The following SLC7A8 variants were observed in gnomAD, a reference collection of about 807,000 sequenced individuals.
SLC7A8 encodes the protein solute carrier family 7 member 8.
Under a neutral mutation model 51.2 loss-of-function variants are expected in SLC7A8, and 30 were observed. The ratio of observed to expected loss-of-function variants is 0.59; its 90% confidence interval spans 0.44 to 0.80. SLC7A8 has a LOEUF of 0.80. Ranked by LOEUF, SLC7A8 falls within the 30% of genes least tolerant of loss-of-function variation. The pLI, the probability that SLC7A8 is intolerant of heterozygous loss-of-function variation, is 0.00. For synonymous variants in SLC7A8, 257 were observed against 275.8 expected, an observed-to-expected ratio of 0.93 and a Z score of 0.67; for missense variants, 612 against 674.4, an observed-to-expected ratio of 0.91 and a Z score of 1.03.
chr14:23,173,839 C>T (rs1396408819), intron 1 of SLC7A8, among the ~76,000 whole-genome samples: 1 of 151,682 alleles, frequency 6.6e-6, no homozygotes, highest in Non-Finnish European at 1.5e-5. Context: ...CAGGGTCCCA[C>T]TGTGTTGCCC....
chr14:23,177,726 G>C (rs74036939), intron 1 of SLC7A8, among the ~76,000 whole-genome samples: 2,443 of 152,242 alleles, frequency 0.016, 70 homozygotes, highest in African/African-American at 0.055. Context: ...TGCGAGCATG[G>C]TCTGTGCTGG....
At chr14:23,137,047 G>A (rs1187458033) in intron 7 of SLC7A8, among the ~76,000 whole-genome samples, 1 of 152,244 alleles carries the variant, frequency 6.6e-6, no homozygotes. Flanking sequence ...CATCTTTGGA[G>A]CAGGACTGTA....
In SLC7A8 at chr14:23,178,654, C is replaced by T. The variant is rs149093886; in HGVS notation, c.151+4110G>A. On this transcript the variant is annotated intron_variant, in intron 1 of 10. Coordinates refer to ENST00000316902, the MANE Select transcript of SLC7A8 (RefSeq NM_012244.4). ...GTTTTGTTGGGCACGGTGGCCCACA[C>T]GTGTAACCCCAACACTTCGGGAGGC... Among the ~76,000 whole-genome samples, 124 of 151,520 alleles carry T rather than the reference C, an allele frequency of 8.2e-4. 5 individuals carry two copies. The East Asian group carries it at 0.019, about 24-fold the overall frequency.
At chr14:23,160,848 A>C (rs932667255) in intron 3 of SLC7A8, among the ~76,000 whole-genome samples, 4 of 152,272 alleles carry the variant, frequency 2.6e-5, no homozygotes, top group Middle Eastern at 3.4e-3. Context: ...AAGTTCTAAC[A>C]CTTCCCAGTC....
At chr14:23,141,317 A>G (rs1339118238) in intron 4 of SLC7A8, among the ~76,000 whole-genome samples, 1 of 152,218 alleles carries the variant, frequency 6.6e-6, no homozygotes, top group South Asian at 2.1e-4. Context: ...CAAACAAACA[A>G]AAAAAGCAAG....
At chr14:23,138,230 G>A in intron 6 of SLC7A8, 1 of 572,206 alleles carries the variant, frequency 1.7e-6, no homozygotes, top group East Asian at 2.9e-5. Context: ...ACTGAAGGAG[G>A]TAGTACACAC....
intron 10 of SLC7A8, 26 bp from the exon 11 acceptor site, chr14:23,127,369 C>T (rs1392014302): frequency 1.2e-6 from 2 of 1,608,420 alleles, no homozygotes; most frequent in African/African-American, 2.7e-5. Context: ...ACACAGAAAC[C>T]AGGCCAATGC....
At chr14:23,139,174 A>G (rs1259407718) in intron 6 of SLC7A8, among the ~76,000 whole-genome samples, 1 of 152,106 alleles carries the variant, frequency 6.6e-6, no homozygotes, top group Admixed American at 6.5e-5. Flanking sequence ...ATAGCTTCTC[A>G]GGCCACGCGG....
Position 23,165,301 on chromosome 14 carries a change from C to T in SLC7A8, c.492G>A (p.Leu164=), listed in dbSNP as rs2048943641. 5.0e-6 allele frequency: 8 copies of T among 1,609,268 alleles called. No individual in the cohort carries two copies. The highest frequency in any genetic ancestry group is 6.8e-6 in the Non-Finnish European group (8 of 1,177,892). Residue 164 remains leucine, a synonymous_variant, in exon 3 of 11, where the codon CTG becomes CTA. Transcript: ENST00000316902. The surrounding 1 kb of genome is among the most constrained non-coding windows in gnomAD (Gnocchi z 4.2). ...CFPPESGLRL[L]AAICLLLLTW... ...GACACTTACATAAGCAGATGGCAGC[C>T]AGGAGCCGAAGGCCAGACTCTGGGG...
At chr14:23,130,110 C>T in intron 8 of SLC7A8, 2 of 278,988 alleles carry the variant, frequency 7.2e-6, no homozygotes, top group Non-Finnish European at 1.3e-5. Flanking sequence ...GGCTCTGTGT[C>T]AGCCCCGGTC....
chr14:23,136,839 G>A (rs1267162951), intron 7 of SLC7A8, among the ~76,000 whole-genome samples: 1 of 152,210 alleles, frequency 6.6e-6, no homozygotes, highest in Non-Finnish European at 1.5e-5. Flanking sequence ...TGGCCTCGGC[G>A]GGGCCTCCGT....
In SLC7A8 at chr14:23,182,886, T is replaced by C; in HGVS notation, c.29A>G (p.Asn10Ser). The change falls in exon 1 of 11, where the codon AAC (asparagine) becomes AGC (serine). Residue 10 changes from asparagine (N) to serine (S), a missense_variant. Coordinates refer to ENST00000316902, the MANE Select transcript of SLC7A8 (RefSeq NM_012244.4). ...CCCACCTGGGTGTTTCTTTTCGGTG[T>C]TGTTTCGGTGCCTGGCTCCTTCTTC... The part of the protein sequence containing the change: MEEGARHRN[N>S]TEKKHPGGGE... 1 of 1,614,140 alleles carries C rather than the reference T, an allele frequency of 6.2e-7. No individual in the cohort carries two copies. Among genetic ancestry groups the C allele is most frequent in the Non-Finnish European group, 8.5e-7 (1 of 1,180,008 alleles).
At chr14:23,175,568 A>G (rs1237336233) in intron 1 of SLC7A8, among the ~76,000 whole-genome samples, 1 of 152,188 alleles carries the variant, frequency 6.6e-6, no homozygotes, top group Non-Finnish European at 1.5e-5. Flanking sequence ...TCTCTTGGAC[A>G]TAGTTTCTTA....
chr14:23,166,632 G>A lies in SLC7A8; in HGVS notation c.152-92C>T, dbSNP rs1057024992. 2.2e-5 allele frequency: 29 copies of A among 1,294,516 alleles called. No individual in the cohort carries two copies. In the East Asian group the frequency reaches 6.5e-4, roughly 29 times the overall value. 80.2% of individuals were successfully genotyped at this position (1,294,516 alleles called of 1,614,324 possible). The stretch of plus-strand genomic sequence containing the variant: ...TGGAGGGTGGTCTCATTTCTGATCT[G>A]ATTCTGAAATGCCTTGGATATATGT... On this transcript the variant is annotated intron_variant, in intron 1 of 10. Transcript: ENST00000316902.
chr14:23,137,776 C>A, intron 7 of SLC7A8, 145 bp downstream of exon 7: 1 of 979,900 alleles, frequency 1.0e-6, no homozygotes, highest in Non-Finnish European at 1.5e-6. Flanking sequence ...CACACACGCC[C>A]TCATGTGAGC....
At chr14:23,162,040 C>CAAA (rs148599755) in intron 3 of SLC7A8, among the ~76,000 whole-genome samples, 4 of 123,664 alleles carry the variant, frequency 3.2e-5, no homozygotes, top group African/African-American at 8.5e-5. Context: ...CCATAAAATT[C>CAAA]AAAAAAAGAA....
intron 7 of SLC7A8, among the ~76,000 whole-genome samples, chr14:23,135,689 G>A (rs1005123040): frequency 1.2e-4 from 17 of 144,522 alleles, no homozygotes; most frequent in African/African-American, 4.2e-4. Context: ...GCGACAGAGC[G>A]AGACTCTGCC....
intron 3 of SLC7A8, among the ~76,000 whole-genome samples, chr14:23,164,614 T>TC (rs1300400838): frequency 1.5e-5 from 2 of 133,372 alleles, no homozygotes; most frequent in Non-Finnish European, 3.2e-5. Flanking sequence ...TTCTTTCTTT[T>TC]TTTTTTTTTA....
At chr14:23,135,450 T>C (rs28716277) in intron 7 of SLC7A8, among the ~76,000 whole-genome samples, 67,861 of 150,788 alleles carry the variant, frequency 0.45, 16,248 homozygotes, top group African/African-American at 0.6. Flanking sequence ...CGCCTGTAAT[T>C]CCAGCACTTT....
Sources: allele counts gnomAD v4.1 joint callset (sites outside exome capture counted in the v4.1 genomes callset), GRCh38; gene constraint gnomAD v4.1.1; non-coding constraint Gnocchi (gnomAD v3.1); transcripts MANE v1.5; gene names NCBI Gene and HGNC (gene_info 2026-07-23, HGNC 2026-07-21).